The following ZDHHC20 variants were observed in gnomAD, a reference collection of about 807,000 sequenced individuals.
The protein encoded by ZDHHC20 is palmitoyltransferase ZDHHC20.
ZDHHC20 carries 43 observed loss-of-function variants against 57.8 expected under a neutral mutation model. The observed-to-expected ratio is 0.74, with a 90% CI of 0.58 to 0.96. The LOEUF is 0.96. Among genes scored for constraint, ZDHHC20 ranks in the 40% least tolerant of loss-of-function variants. The probability of loss-of-function intolerance (pLI) is 0.00; values close to 1 mark genes in which losing one functional copy is unlikely to be tolerated. For missense variants in ZDHHC20, 391 were observed against 441.1 expected, an observed-to-expected ratio of 0.89 and a Z score of 1.02; for synonymous variants, 157 against 153.0, an observed-to-expected ratio of 1.03 and a Z score of -0.19.
chr13:21,388,961 A>G (rs1277717677), intron 8 of ZDHHC20, among the ~76,000 whole-genome samples: 1 of 152,192 alleles, frequency 6.6e-6, no homozygotes, highest in Non-Finnish European at 1.5e-5. Flanking sequence ...AAGGGAAAGA[A>G]AAACTTAGGA....
intron 1 of ZDHHC20, among the ~76,000 whole-genome samples, chr13:21,429,418 T>C (rs1275616834): frequency 6.6e-6 from 1 of 152,246 alleles, no homozygotes; most frequent in Non-Finnish European, 1.5e-5. Flanking sequence ...TTTCATTCAG[T>C]ACTTTAAATA....
chr13:21,380,746 C>T lies in ZDHHC20; in HGVS notation c.1060+688G>A, dbSNP rs561453069. On this transcript the variant is annotated intron_variant, in intron 11 of 12. Coordinates refer to ENST00000400590, the MANE Select transcript of ZDHHC20 (RefSeq NM_001330059.2). ...GGCGGAGGTTGCAGTAAGCAGAGAT[C>T]GTGCCACTGCACTCTAGCCTGGTGA... Among the ~76,000 whole-genome samples the T allele has an allele frequency of 1.5e-4, 22 of 150,646 alleles. No individual in the cohort carries two copies. In the East Asian group the frequency reaches 2.5e-3, roughly 17 times the overall value.
At chr13:21,418,164 T>A (rs916698793) in intron 3 of ZDHHC20, among the ~76,000 whole-genome samples, 1 of 152,218 alleles carries the variant, frequency 6.6e-6, no homozygotes, top group African/African-American at 2.4e-5. Context: ...ATATTTAAAA[T>A]TTAATAATGT....
At chr13:21,400,787 T>A (rs1877514385) in intron 6 of ZDHHC20, among the ~76,000 whole-genome samples, 1 of 152,010 alleles carries the variant, frequency 6.6e-6, no homozygotes, top group Admixed American at 6.6e-5. Flanking sequence ...CTCGGCTCAC[T>A]GCAACCTCTG....
At chr13:21,430,083 C>T (rs983150564) in intron 1 of ZDHHC20, among the ~76,000 whole-genome samples, 1 of 152,094 alleles carries the variant, frequency 6.6e-6, no homozygotes. Context: ...GTTTTAGTAT[C>T]TATTCTCTTT....
rs1473537868 is a variant in ZDHHC20 at position 21,374,902 on chromosome 13, G to A, written c.*1794C>T. ...TAATCCCAGCACTTTGGGAAGCTGA[G>A]GTGGGTGGATTATTTGAGGTCAGGA... On this transcript the variant is annotated 3_prime_UTR_variant, in exon 13 of 13. Coordinates refer to ENST00000400590, the MANE Select transcript of ZDHHC20 (RefSeq NM_001330059.2). The A allele has an allele frequency of 8.9e-5, 30 of 335,374 alleles. No homozygotes were observed. Among genetic ancestry groups the A allele is most frequent in the Middle Eastern group, 1.1e-3 (1 of 936 alleles). 20.8% of individuals were successfully genotyped at this position (335,374 alleles called of 1,614,324 possible).
chr13:21,414,426 T>C (rs1240868017), intron 3 of ZDHHC20, among the ~76,000 whole-genome samples: 4 of 151,596 alleles, frequency 2.6e-5, no homozygotes, highest in Non-Finnish European at 4.4e-5. Flanking sequence ...AGTGGAGTGA[T>C]TTCGGCTCAC....
Position 21,413,711 on chromosome 13 carries a change from T to C in ZDHHC20, c.311A>G (p.Gln104Arg), listed in dbSNP as rs1166817662. 4.3e-6 allele frequency: 7 copies of C among 1,611,990 alleles called. No homozygotes were observed. The South Asian group carries it at 7.7e-5, about 18-fold the overall frequency. Residue 104 changes from glutamine (Q) to arginine (R), a missense_variant, in exon 4 of 13, where the codon CAA becomes CGA. By Grantham distance (43) the Gln-to-Arg change is conservative. Around this residue, in one of 3 missense-constraint regions of ZDHHC20, gnomAD observed 185 missense variants for 188.0 expected, o/e 0.98. Coordinates refer to ENST00000400590, the MANE Select transcript of ZDHHC20 (RefSeq NM_001330059.2). ...TCTTGCTGCTCTTCTCAAAATTTCTTGTTGTCTTTCTTGGCTGAATTCTTT... is the reference window on the plus strand; with the variant it reads ...TCTTGCTGCTCTTCTCAAAATTTCTCGTTGTCTTTCTTGGCTGAATTCTTT... ...YEKEFSQERQ[Q>R]EILRRAARAL...
chr13:21,428,660 A>G (rs1881567822), intron 1 of ZDHHC20, among the ~76,000 whole-genome samples: 1 of 151,230 alleles, frequency 6.6e-6, no homozygotes, highest in Admixed American at 6.6e-5. Context: ...GGAGTTCAAG[A>G]CCAGCCTGGC....
chr13:21,452,026 G>A (rs1884489616), intron 1 of ZDHHC20, among the ~76,000 whole-genome samples: 1 of 151,852 alleles, frequency 6.6e-6, no homozygotes, highest in African/African-American at 2.4e-5. Flanking sequence ...CTTATTGTAT[G>A]ATTCCATTTA....
chr13:21,406,662 G>A (rs1484110094), intron 4 of ZDHHC20, among the ~76,000 whole-genome samples: 1 of 151,696 alleles, frequency 6.6e-6, no homozygotes. Context: ...GTGTTAGTTT[G>A]CTGAAAATGA....
At chr13:21,385,100 T>TA (rs1250721413) in intron 9 of ZDHHC20, among the ~76,000 whole-genome samples, 1 of 151,566 alleles carries the variant, frequency 6.6e-6, no homozygotes, top group Non-Finnish European at 1.5e-5. Context: ...ACGTAAGATA[T>TA]AAAAAAAACC....
At chr13:21,452,194 G>A (rs1039140771) in intron 1 of ZDHHC20, among the ~76,000 whole-genome samples, 7 of 151,796 alleles carry the variant, frequency 4.6e-5, no homozygotes, top group African/African-American at 1.5e-4. Flanking sequence ...GCCTTGGGCT[G>A]GGGGTGGGAA....
chr13:21,433,741 T>C (rs1052160900), intron 1 of ZDHHC20, among the ~76,000 whole-genome samples: 5 of 152,202 alleles, frequency 3.3e-5, no homozygotes, highest in African/African-American at 7.2e-5. Flanking sequence ...ACAGATCAAC[T>C]TGGGGAGAAG....
chr13:21,386,355 A>G (rs79115549), intron 9 of ZDHHC20, among the ~76,000 whole-genome samples: 5,298 of 152,280 alleles, frequency 0.035, 168 homozygotes, highest in Non-Finnish European at 0.048. Flanking sequence ...CAGAGATCCA[A>G]AAAGCTCAAC....
intron 1 of ZDHHC20, among the ~76,000 whole-genome samples, chr13:21,447,136 A>C (rs1385054982): frequency 6.6e-6 from 1 of 151,892 alleles, no homozygotes; most frequent in African/African-American, 2.4e-5. Flanking sequence ...TATAGGTGAT[A>C]ATGTGGCATT....
intron 1 of ZDHHC20, among the ~76,000 whole-genome samples, chr13:21,431,696 ATCT>A (rs1290573802): frequency 6.6e-6 from 1 of 152,226 alleles, no homozygotes; most frequent in Non-Finnish European, 1.5e-5. Context: ...ATGCAGTGGT[ATCT>A]TCATTTCACT....
At chr13:21,384,535 G>A (rs1449984324) in intron 9 of ZDHHC20, among the ~76,000 whole-genome samples, 3 of 149,928 alleles carry the variant, frequency 2.0e-5, no homozygotes, top group Non-Finnish European at 4.5e-5. Context: ...AGCAAGATAT[G>A]CAGAGAAATG....
At chr13:21,420,946 T>C in intron 3 of ZDHHC20, 115 bp downstream of exon 3, 1 of 784,300 alleles carries the variant, frequency 1.3e-6, no homozygotes, top group Non-Finnish European at 2.1e-6. Flanking sequence ...CCAAGCAGTT[T>C]TATGAATGGA....
Sources: allele counts gnomAD v4.1 joint callset (sites outside exome capture counted in the v4.1 genomes callset), GRCh38; gene constraint gnomAD v4.1.1; regional missense constraint gnomAD v4.1.1; transcripts MANE v1.5; gene names NCBI Gene and HGNC (gene_info 2026-07-23, HGNC 2026-07-21).